TAGAP: variants seen among roughly 807,000 people sequenced by gnomAD.
TAGAP encodes T cell activation RhoGTPase activating protein.
TAGAP carries 16 observed loss-of-function variants against 36.0 expected under a neutral mutation model. That is an observed-to-expected ratio of 0.44 (90% CI 0.30 to 0.68). The LOEUF (loss-of-function observed/expected upper bound fraction) is 0.68. Ranked by LOEUF, TAGAP falls within the 30% of genes least tolerant of loss-of-function variation. The probability of loss-of-function intolerance (pLI) is 0.09; values close to 1 mark genes in which losing one functional copy is unlikely to be tolerated. For synonymous variants in TAGAP, 372 were observed against 377.4 expected, an observed-to-expected ratio of 0.99 and a Z score of 0.17; for missense variants, 794 against 921.5, an observed-to-expected ratio of 0.86 and a Z score of 1.79.
chr6:159,042,155 C>A lies in TAGAP; in HGVS notation c.238G>T (p.Asp80Tyr). The change falls in exon 5 of 10, where the codon GAC becomes TAC. Residue 80 changes from aspartate (D) to tyrosine (Y), a missense_variant. Coordinates refer to ENST00000367066, the MANE Select transcript of TAGAP (RefSeq NM_054114.5). ...TGATCAAATAGCGATGCTTTCAAGT[C>A]TGTCTCCAAAGCCCCAGAAAAATCT... is the stretch of plus-strand genomic sequence containing the variant. ...ASDFSGALET[D>Y]LKASLFDQPL... 1 of 1,614,222 alleles carries A rather than the reference C, an allele frequency of 6.2e-7. No homozygotes were observed. Among genetic ancestry groups the A allele is most frequent in the Non-Finnish European group, 8.5e-7 (1 of 1,180,044 alleles).
Position 159,037,380 on chromosome 6 carries a change from G to A in TAGAP, c.899-256C>T, listed in dbSNP as rs924164866. On this transcript the variant is annotated intron_variant, in intron 9 of 9. Coordinates refer to ENST00000367066, the MANE Select transcript of TAGAP (RefSeq NM_054114.5). The surrounding 1 kb of genome is among the most constrained non-coding windows in gnomAD (Gnocchi z 5.1). Reference sequence around the variant, plus strand: ...TTTTTTCTATTTTTAGTAGAGACGGGGTTTCACCATGTTGGCTAGGCTGTT... The same window carrying A: ...TTTTTTCTATTTTTAGTAGAGACGGAGTTTCACCATGTTGGCTAGGCTGTT... Among the ~76,000 whole-genome samples the A allele has an allele frequency of 2.6e-5, 4 of 151,890 alleles. No individual in the cohort carries two copies. The highest frequency in any genetic ancestry group is 5.9e-5 in the Non-Finnish European group (4 of 67,962).
intron 1 of TAGAP, 107 bp downstream of exon 1, chr6:159,044,772 G>T: frequency 2.5e-6 from 1 of 394,606 alleles, no homozygotes; most frequent in Non-Finnish European, 4.5e-6. Flanking sequence ...TATAAAGTGA[G>T]AGCATATTCC....
chr6:159,044,225 A>G, intron 1 of TAGAP, 21 bp from the exon 2 acceptor site: 2 of 1,514,430 alleles, frequency 1.3e-6, no homozygotes, highest in Non-Finnish European at 1.8e-6. Context: ...TCACATGGAA[A>G]GGAGTTAGGA....
At chr6:159,043,921 CAA>C (rs915346796) in intron 3 of TAGAP, 55 bp downstream of exon 3, 4 of 1,492,814 alleles carry the variant, frequency 2.7e-6, no homozygotes, top group Non-Finnish European at 3.7e-6. Flanking sequence ...TCAATTAAAA[CAA>C]AGTTTTCCAC....
chr6:159,041,077 A>G lies in TAGAP; in HGVS notation c.478-245T>C. On this transcript the variant is annotated intron_variant, in intron 6 of 9. Coordinates refer to ENST00000367066, the MANE Select transcript of TAGAP (RefSeq NM_054114.5). The surrounding 1 kb of genome is among the most constrained non-coding windows in gnomAD (Gnocchi z 4.1). Reference sequence around the variant, plus strand: ...CCAGGTGGGTGTGTTCTGAGGGGCCACTGGATTTTGACGTATGGATTCTGC... The same window carrying G: ...CCAGGTGGGTGTGTTCTGAGGGGCCGCTGGATTTTGACGTATGGATTCTGC... The G allele has an allele frequency of 1.7e-6, 1 of 584,730 alleles. No homozygotes were observed. The highest frequency in any genetic ancestry group is 2.3e-5 in the South Asian group (1 of 43,512). The allele number at this position is 584,730 out of a possible 1,614,324, so 36.2% of individuals were successfully genotyped here. A position where few individuals can be genotyped will look rare whatever the true frequency, so the allele number is the denominator to read the frequency against.
In TAGAP at chr6:159,036,364, G is replaced by C. The variant is rs1284851302; in HGVS notation, c.1659C>G (p.Ile553Met). ...GGGTTTCACACCCATTTTCCTGCAC[G>C]ATTCGGCCGGCAAGCTGGCTTTCCT... ...VRKESQLAGR[I>M]VQENGCETHN... The change falls in exon 10 of 10, where the codon ATC becomes ATG. Residue 553 changes from isoleucine to methionine, a missense_variant. Ile to Met is a conservative substitution (Grantham distance 10). Coordinates refer to ENST00000367066, the MANE Select transcript of TAGAP (RefSeq NM_054114.5). This position sits in a 1 kb window ranked among gnomAD's most constrained non-coding sequence, Gnocchi z 4.9. 1 of 1,614,002 alleles carries C rather than the reference G, an allele frequency of 6.2e-7. No homozygotes were observed.
In TAGAP at chr6:159,044,020, T is replaced by C. The variant is rs887239781; in HGVS notation, c.39A>G (p.Leu13=). The part of the protein sequence containing the change: ...LRSSHNASKT[L]NANNMETLIE... ...TTAGTGTCTCCATATTATTGGCGTT[T>C]AGTGTTTTTGACTAAAAGAGAAAAA... Residue 13 remains leucine, a synonymous_variant, in exon 3 of 10, where the codon CTA becomes CTG. Coordinates refer to ENST00000367066, the MANE Select transcript of TAGAP (RefSeq NM_054114.5). The C allele has an allele frequency of 6.2e-7, 1 of 1,613,820 alleles. No homozygotes were observed. Among genetic ancestry groups the C allele is most frequent in the African/African-American group, 1.3e-5 (1 of 74,934 alleles).
chr6:159,039,409 G>T, intron 7 of TAGAP, 100 bp from the exon 8 acceptor site: 1 of 1,261,730 alleles, frequency 7.9e-7, no homozygotes, highest in Non-Finnish European at 1.1e-6. Flanking sequence ...TTTAAAATGA[G>T]GAAGGTGCAT....
Position 159,036,181 on chromosome 6 carries a change from G to C in TAGAP, c.1842C>G (p.Thr614=). ...TGCTCCCCACCGTCATGCTCCCCAC[G>C]GTCTGGCTCTCGGAGGCCACTAGTC... ...AARLVASESQ[T]VGSMTVGSMR... is the part of the protein sequence containing the mutation. Residue 614 remains threonine, a synonymous_variant, in exon 10 of 10, where the codon ACC becomes ACG. Coordinates refer to ENST00000367066, the MANE Select transcript of TAGAP (RefSeq NM_054114.5). This position sits in a 1 kb window ranked among gnomAD's most constrained non-coding sequence, Gnocchi z 4.9. The C allele has an allele frequency of 6.2e-7, 1 of 1,611,902 alleles. No individual in the cohort carries two copies. Among genetic ancestry groups the C allele is most frequent in the Non-Finnish European group, 8.5e-7 (1 of 1,179,078 alleles).
In TAGAP at chr6:159,040,839, G is replaced by C. The variant is rs373030303; in HGVS notation, c.478-7C>G. The C allele has an allele frequency of 2.9e-5, 47 of 1,610,070 alleles. No individual in the cohort carries two copies. The Admixed American group carries it at 3.0e-4, about 10-fold the overall frequency. ...GGATACTTCTGAGGAAGTCCTGGGG[G>C]ATGAGAGTGGGCTGTTGGCCTATTG... On this transcript the variant is annotated splice_region_variant and splice_polypyrimidine_tract_variant and intron_variant, in intron 6 of 9. Coordinates refer to ENST00000367066, the MANE Select transcript of TAGAP (RefSeq NM_054114.5).
At position 159,036,311 on chromosome 6, in the gene TAGAP, A is replaced by T; in HGVS notation, c.1712T>A (p.Leu571Gln). 1 of 1,612,684 alleles carries T rather than the reference A, an allele frequency of 6.2e-7. No homozygotes were observed. Among genetic ancestry groups the T allele is most frequent in the Non-Finnish European group, 8.5e-7 (1 of 1,179,832 alleles). ...THNQTARGFC[L>Q]RPHALSVDDV... ...ATCCACCGAGAGGGCGTGGGGTCTC[A>T]GGCAGAAGCCGCGGGCTGTTTGGTT... The change falls in exon 10 of 10, where the codon CTG becomes CAG. Residue 571 changes from leucine to glutamine, a missense_variant. By Grantham distance (113) the Leu-to-Gln change is moderately radical. Transcript: ENST00000367066. The surrounding 1 kb of genome is among the most constrained non-coding windows in gnomAD (Gnocchi z 4.9).
chr6:159,042,330 G>A, intron 4 of TAGAP, 86 bp from the exon 5 acceptor site: 7 of 1,534,286 alleles, frequency 4.6e-6, no homozygotes, highest in Non-Finnish European at 6.1e-6. Flanking sequence ...GGTATCGTTG[G>A]CCGCATAATG....
Position 159,035,614 on chromosome 6 carries a change from A to G in TAGAP, c.*213T>C, listed in dbSNP as rs898760346. On this transcript the variant is annotated 3_prime_UTR_variant, in exon 10 of 10. Coordinates refer to ENST00000367066, the MANE Select transcript of TAGAP (RefSeq NM_054114.5). ...GCACCTAACACCTTATCTATAATACATTTGATACATTTTTACATATTGCAC... is the reference window on the plus strand; with the variant it reads ...GCACCTAACACCTTATCTATAATACGTTTGATACATTTTTACATATTGCAC... The G allele has an allele frequency of 1.6e-4, 84 of 522,022 alleles. No individual in the cohort carries two copies. The highest frequency in any genetic ancestry group is 2.5e-4 in the Non-Finnish European group (73 of 294,188). 32.3% of individuals were successfully genotyped at this position (522,022 alleles called of 1,614,324 possible). A position where few individuals can be genotyped will look rare whatever the true frequency, so the allele number is the denominator to read the frequency against.
In TAGAP at chr6:159,036,775, C is replaced by T. The variant is rs1053902105; in HGVS notation, c.1248G>A (p.Glu416=). Residue 416 remains glutamate, a synonymous_variant, in exon 10 of 10, where the codon GAG becomes GAA. Transcript: ENST00000367066. This position sits in a 1 kb window ranked among gnomAD's most constrained non-coding sequence, Gnocchi z 4.9. ...VPRVGSRLES[E]EAEDPFPEEV... ...CCTCTGGAAATGGGTCTTCAGCCTC[C>T]TCACTTTCCAAACGAGAGCCTACCC... 2.5e-6 allele frequency: 4 copies of T among 1,614,216 alleles called. No individual in the cohort carries two copies. Among genetic ancestry groups the T allele is most frequent in the Non-Finnish European group, 3.4e-6 (4 of 1,180,028 alleles).
At position 159,041,349 on chromosome 6, in the gene TAGAP, C is replaced by T; in HGVS notation, c.477+5G>A. The T allele has an allele frequency of 6.2e-7, 1 of 1,612,616 alleles. No individual in the cohort carries two copies. The highest frequency in any genetic ancestry group is 1.1e-5 in the South Asian group (1 of 90,982). On this transcript the variant is annotated splice_donor_5th_base_variant and intron_variant, in intron 6 of 9. Transcript: ENST00000367066. The surrounding 1 kb of genome is among the most constrained non-coding windows in gnomAD (Gnocchi z 4.1). The stretch of plus-strand genomic sequence containing the variant: ...GGTTATTTGGCGCAAGTGTGTTGAA[C>T]TCACCTTAAAGACCACAGCGAGGAG...
Position 159,041,250 on chromosome 6 carries a change from A to G in TAGAP, c.477+104T>C. On this transcript the variant is annotated intron_variant, in intron 6 of 9. Transcript: ENST00000367066. The surrounding 1 kb of genome is among the most constrained non-coding windows in gnomAD (Gnocchi z 4.1). Reference sequence around the variant, plus strand: ...ATGAAAAAAATTAAACTCCAAGATCAGTGTACCTTGCTGTGTGGGGAGAAG... The same window carrying G: ...ATGAAAAAAATTAAACTCCAAGATCGGTGTACCTTGCTGTGTGGGGAGAAG... The G allele has an allele frequency of 7.2e-7, 1 of 1,388,644 alleles. No homozygotes were observed. The highest frequency in any genetic ancestry group is 9.8e-7 in the Non-Finnish European group (1 of 1,016,902). The allele number at this position is 1,388,644 out of a possible 1,614,324, so 86.0% of individuals were successfully genotyped here. A position where few individuals can be genotyped will look rare whatever the true frequency, so the allele number is the denominator to read the frequency against.
Position 159,038,947 on chromosome 6 carries a change from T to C in TAGAP, c.783+167A>G, listed in dbSNP as rs1030372015. 2.3e-5 allele frequency: 33 copies of C among 1,457,652 alleles called. No individual in the cohort carries two copies. In the African/African-American group the frequency reaches 3.5e-4, roughly 16 times the overall value. 90.3% of individuals were successfully genotyped at this position (1,457,652 alleles called of 1,614,324 possible). A position where few individuals can be genotyped will look rare whatever the true frequency, so the allele number is the denominator to read the frequency against. ...CACGGATTTATTCAGTTTCATTAGA[T>C]ACATGTATCTGAGAGAGTGGAACTA... On this transcript the variant is annotated intron_variant, in intron 8 of 9. Coordinates refer to ENST00000367066, the MANE Select transcript of TAGAP (RefSeq NM_054114.5).
At chr6:159,042,438 C>T in intron 4 of TAGAP, 194 bp from the exon 5 acceptor site, 1 of 1,298,262 alleles carries the variant, frequency 7.7e-7, no homozygotes, top group African/African-American at 1.5e-5. Flanking sequence ...TAAACAACCA[C>T]ACTGTTACCA....
rs1583774941 is a variant in TAGAP, at chr6:159,039,369, G to T, written c.588-60C>A. On this transcript the variant is annotated intron_variant, in intron 7 of 9. Coordinates refer to ENST00000367066, the MANE Select transcript of TAGAP (RefSeq NM_054114.5). ...AGGCTAATGGTCTTCAGTGTAGCAA[G>T]CTGAGAGTTTCTGCCGAAACCAGAC... The T allele has an allele frequency of 8.4e-6, 13 of 1,548,492 alleles. No homozygotes were observed. In the East Asian group the frequency reaches 2.5e-4, roughly 30 times the overall value.
Sources: allele counts gnomAD v4.1 joint callset (sites outside exome capture counted in the v4.1 genomes callset), GRCh38; gene constraint gnomAD v4.1.1; non-coding constraint Gnocchi (gnomAD v3.1); transcripts MANE v1.5; gene names NCBI Gene and HGNC (gene_info 2026-07-23, HGNC 2026-07-21).